The following ATP10B variants were observed in gnomAD, a reference collection of about 807,000 sequenced individuals.
ATP10B encodes the protein ATPase phospholipid transporting 10B (putative).
In ATP10B, 122 loss-of-function variants were observed where a neutral mutation model predicts 141.2. The observed-to-expected ratio is 0.86, with a 90% CI of 0.75 to 1.00. The LOEUF (loss-of-function observed/expected upper bound fraction) is 1.00, where lower values mean the gene tolerates loss of function less well. Ranked by LOEUF, ATP10B falls within the 50% of genes least tolerant of loss-of-function variation. The pLI, the probability that ATP10B is intolerant of heterozygous loss-of-function variation, is 0.00. For synonymous variants in ATP10B, 685 were observed against 692.0 expected, an observed-to-expected ratio of 0.99 and a Z score of 0.16; for missense variants, 1,876 against 1,825.3, an observed-to-expected ratio of 1.03 and a Z score of -0.51.
rs1331560119 is a variant in ATP10B, at chr5:160,615,850, G to A, written c.2641C>T (p.Leu881Phe). 1.2e-6 allele frequency: 2 copies of A among 1,611,168 alleles called. No homozygotes were observed. Among genetic ancestry groups the A allele is most frequent in the Non-Finnish European group, 8.5e-7 (1 of 1,177,692 alleles). The change falls in exon 17 of 26, where the codon CTC (leucine) becomes TTC (phenylalanine). Residue 881 changes from leucine (L) to phenylalanine (F), a missense_variant. Coordinates refer to ENST00000327245, the MANE Select transcript of ATP10B (RefSeq NM_025153.3). ...TATTTTTAGCTACCAAGTAAGGTGA[G>A]TTGATTCTCCAGATGCTGTGCAGTT... ...METAQHLENQ[L>F]TLLGATGIED...
At chr5:160,665,128 G>A (rs1762248041) in intron 7 of ATP10B, among the ~76,000 whole-genome samples, 1 of 151,948 alleles carries the variant, frequency 6.6e-6, no homozygotes, top group South Asian at 2.1e-4. Flanking sequence ...TTCAAAGATG[G>A]CCCATTGGGA....
At chr5:160,720,882 TC>T (rs1430654283) in intron 2 of ATP10B, among the ~76,000 whole-genome samples, 2 of 152,202 alleles carry the variant, frequency 1.3e-5, no homozygotes, top group Non-Finnish European at 2.9e-5. Context: ...AAAAAATTAT[TC>T]CCTCCCACAA....
the ATP10B span, among the ~76,000 whole-genome samples, chr5:160,897,366 G>A: frequency 1.3e-5 from 2 of 152,154 alleles, no homozygotes; most frequent in Non-Finnish European, 2.9e-5. Context: ...AAATCAATGT[G>A]TAAAAATCAC....
chr5:160,806,456 T>A (rs1772776318), intron 1 of ATP10B, among the ~76,000 whole-genome samples: 2 of 152,198 alleles, frequency 1.3e-5, no homozygotes, highest in African/African-American at 4.8e-5. Flanking sequence ...ACACATAAGG[T>A]TATCCCCCAG....
At chr5:160,588,257 T>C (rs1394078062) in intron 24 of ATP10B, among the ~76,000 whole-genome samples, 1 of 152,230 alleles carries the variant, frequency 6.6e-6, no homozygotes, top group Non-Finnish European at 1.5e-5. Context: ...TTGATTGCCC[T>C]GGCCAGAACT....
At chr5:160,699,555 C>T (rs1334911475) in intron 3 of ATP10B, among the ~76,000 whole-genome samples, 1 of 152,174 alleles carries the variant, frequency 6.6e-6, no homozygotes, top group African/African-American at 2.4e-5. Flanking sequence ...GGAGCAAGAT[C>T]TGGGAAATTT....
At position 160,805,090 on chromosome 5, in the gene ATP10B, C is replaced by T. The variant is rs542530514; in HGVS notation, c.-575-19287G>A. 9.9e-5 allele frequency among the ~76,000 whole-genome samples: 15 copies of T among 152,274 alleles called. 1 individual carries two copies. The South Asian group carries it at 1.5e-3, about 15-fold the overall frequency. On this transcript the variant is annotated intron_variant, in intron 1 of 25. Transcript: ENST00000327245. ...ATTCAAGGGTCAACTAAATTTGTGACGTGTTTAGAATAGTGCTTGGCACAT... is the reference window on the plus strand; with the variant it reads ...ATTCAAGGGTCAACTAAATTTGTGATGTGTTTAGAATAGTGCTTGGCACAT...
chr5:160,658,779 A>C (rs1008003354), intron 7 of ATP10B, among the ~76,000 whole-genome samples: 7 of 152,222 alleles, frequency 4.6e-5, no homozygotes, highest in Non-Finnish European at 1.0e-4. Context: ...CATACCAAAC[A>C]TATCACAAGA....
intron 24 of ATP10B, among the ~76,000 whole-genome samples, chr5:160,573,988 C>CA (rs1414942377): frequency 2.6e-5 from 4 of 151,936 alleles, no homozygotes; most frequent in Admixed American, 1.3e-4. Flanking sequence ...AGAATTGTGC[C>CA]AAAAAAATGA....
chr5:160,610,892 G>A (rs957507672), intron 18 of ATP10B, among the ~76,000 whole-genome samples: 5 of 152,232 alleles, frequency 3.3e-5, no homozygotes, highest in South Asian at 2.1e-4. Context: ...GGTCTAGGTC[G>A]ATCCCATAAC....
chr5:160,617,016 A>G (rs1758058450), intron 16 of ATP10B, among the ~76,000 whole-genome samples: 1 of 152,220 alleles, frequency 6.6e-6, no homozygotes, highest in Non-Finnish European at 1.5e-5. Flanking sequence ...CACATCTAAA[A>G]GTAGTGAGAT....
Position 160,604,046 on chromosome 5 carries a change from A to C in ATP10B, c.3161-5T>G. The C allele has an allele frequency of 6.2e-7, 1 of 1,613,156 alleles. No individual in the cohort carries two copies. The highest frequency in any genetic ancestry group is 8.5e-7 in the Non-Finnish European group (1 of 1,179,324). ...TTACATCATTTGCTCCATCACCTGA[A>C]AGAGAGGTCATAACGTGTCTTTATT... On this transcript the variant is annotated splice_region_variant and splice_polypyrimidine_tract_variant and intron_variant, in intron 19 of 25. Transcript: ENST00000327245.
intron 1 of ATP10B, among the ~76,000 whole-genome samples, chr5:160,809,051 T>C (rs1002250743): frequency 6.6e-6 from 1 of 152,332 alleles, no homozygotes; most frequent in East Asian, 1.9e-4. Flanking sequence ...CCTGTCTCTG[T>C]ATCCAAATTC....
intron 1 of ATP10B, among the ~76,000 whole-genome samples, chr5:160,786,810 G>A (rs1771188350): frequency 6.6e-6 from 1 of 152,092 alleles, no homozygotes; most frequent in South Asian, 2.1e-4. Flanking sequence ...GATTTGGGCA[G>A]AAGATCTCCC....
the ATP10B span, among the ~76,000 whole-genome samples, chr5:160,866,097 A>T: frequency 6.6e-6 from 1 of 152,060 alleles, no homozygotes; most frequent in Non-Finnish European, 1.5e-5. Context: ...CATTATATGA[A>T]AATGACATAT....
At chr5:160,861,892 C>T in the ATP10B span, among the ~76,000 whole-genome samples, 2 of 151,886 alleles carry the variant, frequency 1.3e-5, no homozygotes, top group Admixed American at 1.3e-4. Context: ...TACATCTTAA[C>T]AAATGGCATA....
chr5:160,904,458 T>C, the ATP10B span, among the ~76,000 whole-genome samples: 1 of 151,546 alleles, frequency 6.6e-6, no homozygotes, highest in African/African-American at 2.4e-5. Flanking sequence ...ATTACTAATC[T>C]AAAGATCTCT....
At chr5:160,910,455 G>A in the ATP10B span, among the ~76,000 whole-genome samples, 1 of 152,072 alleles carries the variant, frequency 6.6e-6, no homozygotes, top group South Asian at 2.1e-4. Context: ...CCCCTATATC[G>A]AGAACAAAGT....
In ATP10B at chr5:160,620,323, G is replaced by A. The variant is rs781336227; in HGVS notation, c.2416+24C>T. ...TAAACTATAGAACTCTCTGTGCCTG[G>A]AACCCTGGTAAGGCAGGACTCACCG... On this transcript the variant is annotated intron_variant, in intron 15 of 25. Transcript: ENST00000327245. 2.7e-5 allele frequency: 43 copies of A among 1,582,422 alleles called. No individual in the cohort carries two copies. The African/African-American group carries it at 4.4e-4, about 16-fold the overall frequency.
Sources: allele counts gnomAD v4.1 joint callset (sites outside exome capture counted in the v4.1 genomes callset), GRCh38; gene constraint gnomAD v4.1.1; transcripts MANE v1.5; gene names NCBI Gene and HGNC (gene_info 2026-07-23, HGNC 2026-07-21).